ROBO2: variants seen among roughly 807,000 people sequenced by gnomAD.
ROBO2 encodes roundabout guidance receptor 2.
ROBO2 carries 53 observed loss-of-function variants against 160.8 expected under a neutral mutation model. The ratio of observed to expected loss-of-function variants is 0.33; its 90% CI spans 0.26 to 0.41. The LOEUF is 0.41. ROBO2 is among the 10% of genes least tolerant of loss of function. The pLI is 1.00. For missense variants in ROBO2, 1,577 were observed against 1,722.4 expected, an observed-to-expected ratio of 0.92 and a Z score of 1.49; for synonymous variants, 664 against 611.7, an observed-to-expected ratio of 1.09 and a Z score of -1.26.
At chr3:76,385,220 C>A (rs2076826130) in intron 2 of ROBO2, among the ~76,000 whole-genome samples, 1 of 152,126 alleles carries the variant, frequency 6.6e-6, no homozygotes, top group Non-Finnish European at 1.5e-5. Flanking sequence ...GTCTCAAACT[C>A]CTGGACTCAA....
At chr3:76,217,011 C>G (rs1338273390) in intron 2 of ROBO2, among the ~76,000 whole-genome samples, 1 of 152,114 alleles carries the variant, frequency 6.6e-6, no homozygotes, top group African/African-American at 2.4e-5. Context: ...GAAACTCACT[C>G]AAAACCGCTC....
chr3:77,545,411 C>A lies in ROBO2; in HGVS notation c.935-927C>A, dbSNP rs1273914913. ...CATAATGCCCATTTTCTACACAGAGCCTTCTGTAGGTTTTACAACACCAAG... is the reference window on the plus strand; with the variant it reads ...CATAATGCCCATTTTCTACACAGAGACTTCTGTAGGTTTTACAACACCAAG... On this transcript the variant is annotated intron_variant, in intron 6 of 25. Coordinates refer to ENST00000461745, the Ensembl canonical transcript of ROBO2. Among the ~76,000 whole-genome samples the A allele has an allele frequency of 4.6e-5, 7 of 152,122 alleles. No individual in the cohort carries two copies. In the East Asian group the frequency reaches 7.8e-4, roughly 17 times the overall value.
intron 2 of ROBO2, among the ~76,000 whole-genome samples, chr3:76,845,733 T>C (rs1337510262): frequency 6.6e-6 from 1 of 152,076 alleles, no homozygotes; most frequent in East Asian, 1.9e-4. Context: ...TCTACTTTCA[T>C]ACTTTCTTTT....
Position 77,617,603 on chromosome 3 carries a change from G to C in ROBO2, c.3384G>C (p.Arg1128Ser), listed in dbSNP as rs202001765. The C allele has an allele frequency of 2.5e-6, 4 of 1,613,954 alleles. 1 individual carries two copies. The change falls in exon 22 of 26, where the codon AGG becomes AGC. Residue 1128 changes from arginine (R) to serine (S), a missense_variant. Transcript: ENST00000461745. ...ATGAACTGGAAGAAGATGATGATAG[G>C]GTCCCAACACCTCCTGTTCGAGGCG...
At chr3:76,026,175 G>A (rs564336881) in intron 2 of ROBO2, among the ~76,000 whole-genome samples, 5 of 151,992 alleles carry the variant, frequency 3.3e-5, no homozygotes, top group African/African-American at 7.2e-5. Flanking sequence ...TAGATTTGAC[G>A]TAATGGTGAT....
chr3:75,927,976 CTTTTTTTTT>C (rs71101865), intron 1 of ROBO2, among the ~76,000 whole-genome samples: 3 of 104,002 alleles, frequency 2.9e-5, no homozygotes, highest in African/African-American at 3.9e-5. Context: ...GATTTTCTCT[CTTTTTTTTT>C]TTTTTTTTTT....
chr3:76,228,913 G>A (rs529882148), intron 2 of ROBO2, among the ~76,000 whole-genome samples: 14 of 152,210 alleles, frequency 9.2e-5, no homozygotes, highest in Non-Finnish European at 1.6e-4. Flanking sequence ...TTGTGACGCT[G>A]AGATGGGAGG....
At chr3:77,579,995 G>T (rs1361627233) in exon 16 of ROBO2, 2 of 1,613,814 alleles carry the variant, frequency 1.2e-6, no homozygotes, top group Non-Finnish European at 1.7e-6. Context: ...CAAAACTGTG[G>T]ATGCAGCCAT....
At chr3:77,561,417 G>C (rs927532924) in intron 9 of ROBO2, among the ~76,000 whole-genome samples, 1 of 152,134 alleles carries the variant, frequency 6.6e-6, no homozygotes, top group African/African-American at 2.4e-5. Flanking sequence ...GTTGTTTGCA[G>C]TGTAAGCCAC....
Position 76,336,814 on chromosome 3 carries a change from G to A in ROBO2, c.109+399212G>A, listed in dbSNP as rs182201745. Among the ~76,000 whole-genome samples the A allele has an allele frequency of 1.9e-3, 286 of 151,924 alleles. 2 individuals carry two copies. Among genetic ancestry groups the A allele is most frequent in the African/African-American group, 2.9e-3 (119 of 41,466 alleles). The stretch of plus-strand genomic sequence containing the variant: ...ATAAATACATTCGAAAGATTTTTTC[G>A]TAAGAGCATTTAACAGGAAGCTGGA... On this transcript the variant is annotated intron_variant, in intron 2 of 26. Coordinates refer to the ROBO2 transcript ENST00000487694.
intron 2 of ROBO2, among the ~76,000 whole-genome samples, chr3:76,851,163 C>A (rs2069304983): frequency 6.6e-6 from 1 of 152,164 alleles, no homozygotes. Context: ...CCCTGTAGAT[C>A]TACATTGTCC....
exon 20 of ROBO2, chr3:77,602,444 T>C: frequency 6.2e-7 from 1 of 1,614,148 alleles, no homozygotes; most frequent in Non-Finnish European, 8.5e-7. Flanking sequence ...AAAACAGATC[T>C]GATGGGATTT....
chr3:77,121,974 G>A (rs11718396), intron 2 of ROBO2, among the ~76,000 whole-genome samples: 5,153 of 152,004 alleles, frequency 0.034, 119 homozygotes, highest in South Asian at 0.089. Context: ...TAAAAAAATT[G>A]CCCAAAGCCT....
intron 2 of ROBO2, among the ~76,000 whole-genome samples, chr3:76,219,822 A>T (rs1338811193): frequency 6.6e-6 from 1 of 152,322 alleles, no homozygotes; most frequent in South Asian, 2.1e-4. Context: ...CCATCCCATT[A>T]CTGGGTATAT....
At chr3:76,707,023 T>C (rs2093177137) in intron 2 of ROBO2, among the ~76,000 whole-genome samples, 1 of 152,006 alleles carries the variant, frequency 6.6e-6, no homozygotes, top group South Asian at 2.1e-4. Context: ...TATACATATA[T>C]ATATATATTC....
intron 2 of ROBO2, among the ~76,000 whole-genome samples, chr3:75,944,664 G>A (rs79264324): frequency 6.6e-6 from 1 of 152,076 alleles, no homozygotes; most frequent in Admixed American, 6.6e-5. Context: ...AGTTAGGAAG[G>A]ACTAAGATTT....
At chr3:76,728,631 G>A (rs2093588329) in intron 2 of ROBO2, among the ~76,000 whole-genome samples, 1 of 152,116 alleles carries the variant, frequency 6.6e-6, no homozygotes, top group Non-Finnish European at 1.5e-5. Context: ...TCCCCCTAGA[G>A]GCCAGTAATT....
chr3:77,179,838 C>T (rs1247078441), intron 2 of ROBO2, among the ~76,000 whole-genome samples: 1 of 152,070 alleles, frequency 6.6e-6, no homozygotes, highest in Admixed American at 6.6e-5. Context: ...TGCGGTTAAA[C>T]TGTCTCTTAC....
At position 76,332,259 on chromosome 3, in the gene ROBO2, A is replaced by G. The variant is rs560248238; in HGVS notation, c.109+394657A>G. Among the ~76,000 whole-genome samples the G allele has an allele frequency of 3.8e-4, 58 of 152,306 alleles. No individual in the cohort carries two copies. In the South Asian group the frequency reaches 8.1e-3, roughly 21 times the overall value. On this transcript the variant is annotated intron_variant, in intron 2 of 26. Coordinates refer to the ROBO2 transcript ENST00000487694. Reference sequence around the variant, plus strand: ...TTTCAGTTAGAAAAAGAGCCTGTGAATAATATTGTATAACACCAATTTGCT... The same window carrying G: ...TTTCAGTTAGAAAAAGAGCCTGTGAGTAATATTGTATAACACCAATTTGCT...
Sources: allele counts gnomAD v4.1 joint callset (sites outside exome capture counted in the v4.1 genomes callset), GRCh38; gene constraint gnomAD v4.1.1; transcripts MANE v1.5; gene names NCBI Gene and HGNC (gene_info 2026-07-23, HGNC 2026-07-21).